The following YARS1 variants were observed in gnomAD, a reference collection of about 807,000 sequenced individuals.
The protein encoded by YARS1 is tyrosine--tRNA ligase, cytoplasmic.
YARS1 carries 36 observed loss-of-function variants against 62.2 expected under a neutral mutation model. The ratio of observed to expected loss-of-function variants is 0.58; its 90% CI spans 0.44 to 0.76. YARS1 has a LOEUF of 0.76. YARS1 is among the 30% of genes least tolerant of loss of function. The pLI is 0.00. For synonymous variants in YARS1, 234 were observed against 244.9 expected (o/e 0.96, Z 0.42); for missense variants, 524 against 639.8 (o/e 0.82, Z 1.95).
At chr1:32,791,080 G>T in intron 6 of YARS1, 82 bp downstream of exon 6, 1 of 1,267,040 alleles carries the variant, frequency 7.9e-7, no homozygotes, top group Non-Finnish European at 1.2e-6. Flanking sequence ...ATTCTAGTTA[G>T]CCAGGTCACT....
At chr1:32,812,774 A>C (rs1383459597) in intron 1 of YARS1, among the ~76,000 whole-genome samples, 2 of 152,192 alleles carry the variant, frequency 1.3e-5, no homozygotes, top group Admixed American at 6.5e-5. Flanking sequence ...GGTCGAGACC[A>C]GCCTGGCCAA....
At chr1:32,781,285 T>C in intron 9 of YARS1, 140 bp from the exon 10 acceptor site, 1 of 744,054 alleles carries the variant, frequency 1.3e-6, no homozygotes, top group Non-Finnish European at 2.4e-6. Context: ...GTAACTTCTT[T>C]AATACTGGGT....
In YARS1 at chr1:32,786,607, T is replaced by C. The variant is rs180882193; in HGVS notation, c.821-160A>G. 50 of 794,030 alleles carry C rather than the reference T, an allele frequency of 6.3e-5. No homozygotes were observed. The African/African-American group carries it at 8.4e-4, about 13-fold the overall frequency. 49.2% of individuals were successfully genotyped at this position (794,030 alleles called of 1,614,324 possible). On this transcript the variant is annotated intron_variant, in intron 7 of 12. Transcript: ENST00000373477. ...TCTTAAATTGGATGAGTGGCACTAT[T>C]GTATACCCAGCTAGCATCTCAGCTG...
In YARS1 at chr1:32,810,615, T is replaced by C. The variant is rs774053065; in HGVS notation, c.356A>G (p.Lys119Arg). The C allele has an allele frequency of 9.9e-6, 16 of 1,613,076 alleles. No individual in the cohort carries two copies. The highest frequency in any genetic ancestry group is 9.3e-5 in the African/African-American group (7 of 74,880). ...CTTGCTGAGCTGGTAATCAGTGCCT[T>C]TGATGAACTTGAGCTTCTCCAAGGG... Reference protein sequence around the residue: ...GVPLEKLKFIKGTDYQLSKEY... With the variant: ...GVPLEKLKFIRGTDYQLSKEY... Residue 119 changes from lysine to arginine, a missense_variant, in exon 3 of 13, where the codon AAA becomes AGA. Physicochemically the swap from Lys to Arg is conservative, Grantham distance 26. Coordinates refer to ENST00000373477, the MANE Select transcript of YARS1 (RefSeq NM_003680.4).
intron 5 of YARS1, chr1:32,797,451 T>C: frequency 2.3e-6 from 1 of 441,876 alleles, no homozygotes. Flanking sequence ...TTCCAACTGG[T>C]AATGCCTCTC....
chr1:32,817,228 C>A lies in YARS1; in HGVS notation c.17G>T (p.Ser6Ile). 1 of 1,614,186 alleles carries A rather than the reference C, an allele frequency of 6.2e-7. No individual in the cohort carries two copies. MGDAP[S>I]PEEKLHLITR... ...GATAAGGTGCAGTTTCTCTTCAGGG[C>A]TGGGAGCGTCCCCCATGGCTCCGCT... The change falls in exon 1 of 13, where the codon AGC becomes ATC. Residue 6 changes from serine to isoleucine, a missense_variant. Coordinates refer to ENST00000373477, the MANE Select transcript of YARS1 (RefSeq NM_003680.4).
chr1:32,805,612 C>T (rs368100228), intron 4 of YARS1, among the ~76,000 whole-genome samples: 5 of 152,276 alleles, frequency 3.3e-5, no homozygotes, highest in African/African-American at 4.8e-5. Flanking sequence ...CGCCTGCCTC[C>T]GCTTTTGACA....
At position 32,797,602 on chromosome 1, in the gene YARS1, TG is replaced by T. The variant is rs1653647355; in HGVS notation, c.591+160del. 4.4e-6 allele frequency: 3 copies of T among 689,066 alleles called. No individual in the cohort carries two copies. The East Asian group carries it at 8.1e-5, about 19-fold the overall frequency. 42.7% of individuals were successfully genotyped at this position (689,066 alleles called of 1,614,324 possible). A position where few individuals can be genotyped will look rare whatever the true frequency, so the allele number is the denominator to read the frequency against. Reference sequence around the variant, plus strand: ...TGCTCAGTTACTAACTGTGTGATATTGGACAACTTCTTATCTTCTATCCTCA... The same window carrying T: ...TGCTCAGTTACTAACTGTGTGATATTGACAACTTCTTATCTTCTATCCTCA... On this transcript the variant is annotated intron_variant, in intron 5 of 12. Coordinates refer to ENST00000373477, the MANE Select transcript of YARS1 (RefSeq NM_003680.4).
chr1:32,808,514 T>C (rs1278449178), intron 3 of YARS1, among the ~76,000 whole-genome samples: 1 of 152,204 alleles, frequency 6.6e-6, no homozygotes, highest in Non-Finnish European at 1.5e-5. Flanking sequence ...AAGTCATTTT[T>C]GTATATAGAA....
At chr1:32,794,681 C>T (rs1417660240) in intron 5 of YARS1, among the ~76,000 whole-genome samples, 2 of 151,686 alleles carry the variant, frequency 1.3e-5, no homozygotes, top group Admixed American at 6.6e-5. Context: ...TGACCCATTG[C>T]GCCCAGCCAA....
intron 1 of YARS1, 124 bp from the exon 2 acceptor site, chr1:32,811,181 C>G: frequency 7.0e-7 from 1 of 1,430,798 alleles, no homozygotes; most frequent in Middle Eastern, 2.4e-4. Context: ...TCAAGGAGGT[C>G]CAGCCATGTT....
In YARS1 at chr1:32,782,399, C is replaced by T; in HGVS notation, c.1042+5G>A. The stretch of plus-strand genomic sequence containing the variant: ...TGATGTCGGCCCCTCTCCAGCTGGC[C>T]TTACTCTGCTTTGAGGGATCTGGGT... On this transcript the variant is annotated splice_donor_5th_base_variant and intron_variant, in intron 9 of 12. Transcript: ENST00000373477. 1 of 1,613,952 alleles carries T rather than the reference C, an allele frequency of 6.2e-7. No individual in the cohort carries two copies. Among genetic ancestry groups the T allele is most frequent in the Non-Finnish European group, 8.5e-7 (1 of 1,179,884 alleles).
chr1:32,794,980 G>GA (rs1653528204), intron 5 of YARS1, among the ~76,000 whole-genome samples: 1 of 131,888 alleles, frequency 7.6e-6, no homozygotes. Flanking sequence ...CTCCAGCCTG[G>GA]TGACAGAGCA....
chr1:32,791,692 C>T (rs1312424687), intron 5 of YARS1, among the ~76,000 whole-genome samples: 3 of 152,114 alleles, frequency 2.0e-5, no homozygotes, highest in African/African-American at 4.8e-5. Context: ...ATCCCAGCTA[C>T]TCGGGAGGCT....
intron 6 of YARS1, chr1:32,790,651 T>A (rs916042645): frequency 5.2e-5 from 8 of 152,978 alleles, no homozygotes; most frequent in Admixed American, 1.3e-4. Flanking sequence ...TTTTTTTTTT[T>A]AAATTCCCTA....
At chr1:32,816,531 T>C (rs1638739263) in intron 1 of YARS1, among the ~76,000 whole-genome samples, 1 of 152,128 alleles carries the variant, frequency 6.6e-6, no homozygotes, top group Admixed American at 6.5e-5. Context: ...GGGTAAGCAA[T>C]ATAAATATTT....
intron 5 of YARS1, among the ~76,000 whole-genome samples, chr1:32,797,195 G>A (rs1410333130): frequency 2.7e-5 from 4 of 149,806 alleles, no homozygotes; most frequent in Non-Finnish European, 5.9e-5. Flanking sequence ...AACACAGGGA[G>A]GCCTCATCCC....
At position 32,795,497 on chromosome 1, in the gene YARS1, G is replaced by C. The variant is rs12136633; in HGVS notation, c.591+2266C>G. Among the ~76,000 whole-genome samples, 502 of 152,088 alleles carry C rather than the reference G, an allele frequency of 3.3e-3. 3 individuals carry two copies. Among genetic ancestry groups the C allele is most frequent in the African/African-American group, 0.012 (489 of 41,508 alleles). ...GGGCAGGGATGGGCAAACTGTTTTA[G>C]AAAGGGCCAGTTAATAAAGATTTTA... is the stretch of plus-strand genomic sequence containing the variant. On this transcript the variant is annotated intron_variant, in intron 5 of 12. Transcript: ENST00000373477.
rs1232127984 is a variant in YARS1, at chr1:32,811,509, A to T, written c.58-452T>A. 1.2e-5 allele frequency: 3 copies of T among 242,592 alleles called. No homozygotes were observed. The East Asian group carries it at 3.1e-4, about 25-fold the overall frequency. 15.0% of individuals were successfully genotyped at this position (242,592 alleles called of 1,614,324 possible). ...GCGTCTATCACCTTGTGATGGATTTAAAGCCCCTGCGCCCGGAACTGTTTG... is the reference window on the plus strand; with the variant it reads ...GCGTCTATCACCTTGTGATGGATTTTAAGCCCCTGCGCCCGGAACTGTTTG... On this transcript the variant is annotated intron_variant, in intron 1 of 12. Coordinates refer to ENST00000373477, the MANE Select transcript of YARS1 (RefSeq NM_003680.4).
Sources: gnomAD v4.1 joint callset for allele counts (sites outside exome capture counted in the v4.1 genomes callset) on GRCh38, gnomAD v4.1.1 for gene constraint, MANE v1.5 for transcripts, NCBI Gene and HGNC (gene_info 2026-07-23, HGNC 2026-07-21) for gene names.